RLF: variants seen among roughly 807,000 people sequenced by gnomAD.
RLF encodes the protein zinc finger protein Rlf.
Under a neutral mutation model 162.9 loss-of-function variants are expected in RLF, and 7 were observed. The ratio of observed to expected loss-of-function variants is 0.04; its 90% CI spans 0.02 to 0.08. The LOEUF is 0.08. RLF is among the 10% of genes least tolerant of loss of function. The pLI is 1.00. For synonymous variants in RLF, 782 were observed against 791.5 expected, an observed-to-expected ratio of 0.99 and a Z score of 0.20; for missense variants, 1,664 against 2,244.7, an observed-to-expected ratio of 0.74 and a Z score of 5.23.
intron 6 of RLF, among the ~76,000 whole-genome samples, chr1:40,230,970 A>G (rs1643145399): frequency 6.6e-6 from 1 of 152,080 alleles, no homozygotes. Flanking sequence ...TATTTTAGCC[A>G]TTTCCAAAAA....
rs747693208 is a variant in RLF at position 40,240,088 on chromosome 1, T to A, written c.5386T>A (p.Leu1796Ile). The A allele has an allele frequency of 1.9e-6, 3 of 1,614,126 alleles. No individual in the cohort carries two copies. Among genetic ancestry groups the A allele is most frequent in the South Asian group, 1.1e-5 (1 of 91,084 alleles). The change falls in exon 8 of 8, where the codon TTA becomes ATA. Residue 1796 changes from leucine to isoleucine, a missense_variant. By Grantham distance (5) the Leu-to-Ile change is conservative (BLOSUM62 2). Transcript: ENST00000372771. ...DFDDWEPSEH[L>I]TLSNSSQSSN... ...TGATGATTGGGAGCCTTCAGAGCAC[T>A]TAACATTAAGTAATTCTTCACAGTC...
intron 1 of RLF, among the ~76,000 whole-genome samples, chr1:40,188,029 C>G (rs56216934): frequency 0.084 from 12,761 of 152,230 alleles, 782 homozygotes; most frequent in Middle Eastern, 0.16. Flanking sequence ...CCCAGTCAGA[C>G]AGAATGTGTA....
intron 1 of RLF, chr1:40,177,758 T>A (rs1432567296): frequency 1.3e-5 from 2 of 152,162 alleles, no homozygotes; most frequent in Non-Finnish European, 2.9e-5. Context: ...CATTTGGAGT[T>A]AATTTTTATA....
intron 1 of RLF, among the ~76,000 whole-genome samples, chr1:40,169,947 C>T (rs888615895): frequency 6.6e-6 from 1 of 152,048 alleles, no homozygotes; most frequent in Non-Finnish European, 1.5e-5. Context: ...ACCTCACCCT[C>T]CCAAAGTGCT....
At chr1:40,186,946 G>A (rs1038679946) in intron 1 of RLF, among the ~76,000 whole-genome samples, 1 of 152,042 alleles carries the variant, frequency 6.6e-6, no homozygotes, top group African/African-American at 2.4e-5. Flanking sequence ...TTAATTCTTA[G>A]ATTAGCCAAT....
intron 1 of RLF, chr1:40,177,843 G>C (rs1010590708): frequency 6.6e-6 from 1 of 151,986 alleles, no homozygotes; most frequent in Non-Finnish European, 1.5e-5. Flanking sequence ...AAAATCACTC[G>C]TGCTTGCTTC....
chr1:40,187,321 C>T (rs888217567), intron 1 of RLF, among the ~76,000 whole-genome samples: 17 of 152,224 alleles, frequency 1.1e-4, no homozygotes, highest in African/African-American at 3.4e-4. Flanking sequence ...TGAGCCACAG[C>T]ACCTGGCTGA....
intron 7 of RLF, among the ~76,000 whole-genome samples, chr1:40,233,479 C>T (rs1458460423): frequency 6.6e-6 from 1 of 152,182 alleles, no homozygotes; most frequent in Non-Finnish European, 1.5e-5. Context: ...ATTTAGCTGA[C>T]TTTCCCCAAG....
rs752760899 is a variant in RLF, at chr1:40,239,803, A to C, written c.5101A>C (p.Ile1701Leu). ...TCCTCCTTGTAAAATAGAAAATTCC[A>C]TACCTAATCCCAATGGGACTGAAAG... ...PPPPCKIENS[I>L]PNPNGTESGT... The change falls in exon 8 of 8, where the codon ATA becomes CTA. Residue 1701 changes from isoleucine to leucine, a missense_variant. Coordinates refer to ENST00000372771, the MANE Select transcript of RLF (RefSeq NM_012421.4). The C allele has an allele frequency of 6.2e-7, 1 of 1,614,154 alleles. No homozygotes were observed. Among genetic ancestry groups the C allele is most frequent in the Admixed American group, 1.7e-5 (1 of 60,016 alleles).
At chr1:40,185,805 G>C (rs1401353254) in intron 1 of RLF, among the ~76,000 whole-genome samples, 1 of 130,570 alleles carries the variant, frequency 7.7e-6, no homozygotes, top group Non-Finnish European at 1.6e-5. Context: ...TCTAGCCTGG[G>C]CTGACAGAGT....
In RLF at chr1:40,230,464, C is replaced by A. The variant is rs548881451; in HGVS notation, c.948-1053C>A. 7.2e-5 allele frequency among the ~76,000 whole-genome samples: 11 copies of A among 152,164 alleles called. No individual in the cohort carries two copies. In the South Asian group the frequency reaches 2.3e-3, roughly 32 times the overall value. ...TTTGTTTTTTTGAGATGGAGTCTTG[C>A]TCTGTCGCCTAGGCTGGAGTGCAGT... On this transcript the variant is annotated intron_variant, in intron 6 of 7. Coordinates refer to ENST00000372771, the MANE Select transcript of RLF (RefSeq NM_012421.4).
chr1:40,186,014 G>A (rs1321897893), intron 1 of RLF, among the ~76,000 whole-genome samples: 3 of 151,824 alleles, frequency 2.0e-5, no homozygotes, highest in Admixed American at 1.3e-4. Context: ...AAAATTAACC[G>A]AGCCTGGTGG....
rs1642522591 is a variant in RLF at position 40,189,035 on chromosome 1, TTTTTAA to T, written c.238-14_238-9del. On this transcript the variant is annotated splice_polypyrimidine_tract_variant and intron_variant, in intron 1 of 7. Coordinates refer to ENST00000372771, the MANE Select transcript of RLF (RefSeq NM_012421.4). ...TTTCATTATTTTTATTTGTAAATAA[TTTTTAA>T]TTTTATTTTGTAGACCTTATTGCAA... 6.9e-7 allele frequency: 1 copy of T among 1,457,666 alleles called. No homozygotes were observed. Among genetic ancestry groups the T allele is most frequent in the Non-Finnish European group, 9.3e-7 (1 of 1,075,374 alleles). 90.3% of individuals were successfully genotyped at this position (1,457,666 alleles called of 1,614,324 possible).
At position 40,237,254 on chromosome 1, in the gene RLF, G is replaced by A. The variant is rs1194940429; in HGVS notation, c.2552G>A (p.Cys851Tyr). The stretch of plus-strand genomic sequence containing the variant: ...TCTGCAACAGGTGAAAAGCAAGATT[G>A]TATTAATCAGCCCCATCTACTTAAC... ...EESATGEKQD[C>Y]INQPHLLNQT... Residue 851 changes from cysteine to tyrosine, a missense_variant, in exon 8 of 8, where the codon TGT becomes TAT. Physicochemically the swap from Cys to Tyr is radical, Grantham distance 194. Transcript: ENST00000372771. The surrounding 1 kb of genome is among the most constrained non-coding windows in gnomAD (Gnocchi z 4.4). 2 of 1,613,864 alleles carry A rather than the reference G, an allele frequency of 1.2e-6. No individual in the cohort carries two copies. Among genetic ancestry groups the A allele is most frequent in the African/African-American group, 2.7e-5 (2 of 74,932 alleles).
intron 5 of RLF, among the ~76,000 whole-genome samples, chr1:40,210,905 G>A (rs1642856290): frequency 6.6e-6 from 1 of 152,194 alleles, no homozygotes; most frequent in African/African-American, 2.4e-5. Flanking sequence ...TAATAACAAT[G>A]TTTGGAAACA....
In RLF at chr1:40,204,261, C is replaced by T. The variant is rs973272993; in HGVS notation, c.810+1647C>T. On this transcript the variant is annotated intron_variant, in intron 5 of 7. Coordinates refer to ENST00000372771, the MANE Select transcript of RLF (RefSeq NM_012421.4). ...TGAACTCCTGACCTCATGATCCACA[C>T]GCCTCGGCCTCCCAAAGTGCTGGGA... Among the ~76,000 whole-genome samples the T allele has an allele frequency of 4.6e-5, 7 of 152,036 alleles. No individual in the cohort carries two copies. In the East Asian group the frequency reaches 9.6e-4, roughly 21 times the overall value.
intron 1 of RLF, among the ~76,000 whole-genome samples, chr1:40,175,679 G>T (rs147359410): frequency 0.01 from 1,563 of 151,408 alleles, 25 homozygotes; most frequent in Non-Finnish European, 0.015. Flanking sequence ...CATTCTATTC[G>T]GGAGGCTGAG....
chr1:40,199,088 G>A (rs912607191), intron 4 of RLF, among the ~76,000 whole-genome samples: 2 of 152,216 alleles, frequency 1.3e-5, no homozygotes, highest in Non-Finnish European at 2.9e-5. Context: ...CATATCTCAT[G>A]TAATCCATGA....
At chr1:40,167,824 C>T (rs2124523217) in intron 1 of RLF, among the ~76,000 whole-genome samples, 1 of 151,620 alleles carries the variant, frequency 6.6e-6, no homozygotes, top group Non-Finnish European at 1.5e-5. Flanking sequence ...TTAATGGGTA[C>T]TCACTAAATG....
Sources: allele counts gnomAD v4.1 joint callset (sites outside exome capture counted in the v4.1 genomes callset), GRCh38; gene constraint gnomAD v4.1.1; non-coding constraint Gnocchi (gnomAD v3.1); transcripts MANE v1.5; gene names NCBI Gene and HGNC (gene_info 2026-07-23, HGNC 2026-07-21).